The following TLK2 variants were observed in gnomAD, a reference collection of about 807,000 sequenced individuals.
TLK2 encodes the protein serine/threonine-protein kinase tousled-like 2.
In TLK2, 6 loss-of-function variants were observed where a neutral mutation model predicts 117.3. That is an observed-to-expected ratio of 0.05 (90% CI 0.03 to 0.10). The LOEUF (loss-of-function observed/expected upper bound fraction) is 0.10, where lower values mean the gene tolerates loss of function less well. TLK2 is among the 10% of genes least tolerant of loss of function. The pLI is 1.00. For synonymous variants in TLK2, 257 were observed against 316.7 expected (o/e 0.81, Z 2.00); for missense variants, 299 against 901.2 (o/e 0.33, Z 8.56).
chr17:62,579,210 G>A (rs1032267051), intron 14 of TLK2, among the ~76,000 whole-genome samples: 2 of 152,114 alleles, frequency 1.3e-5, no homozygotes, highest in Non-Finnish European at 2.9e-5. Flanking sequence ...TGTTAAAGTG[G>A]CAGACAACAG....
intron 11 of TLK2, among the ~76,000 whole-genome samples, chr17:62,569,434 C>CTT (rs200412545): frequency 1.9e-4 from 17 of 87,216 alleles, no homozygotes; most frequent in African/African-American, 3.1e-4. Context: ...GAAATACGTG[C>CTT]TTTTTTTTTT....
intron 13 of TLK2, among the ~76,000 whole-genome samples, chr17:62,577,109 C>T (rs371345316): frequency 6.2e-4 from 95 of 152,048 alleles, no homozygotes; most frequent in East Asian, 3.3e-3. Flanking sequence ...ATTACAGGCA[C>T]GTGCCACCAT....
chr17:62,534,909 G>A (rs982323410), intron 6 of TLK2, among the ~76,000 whole-genome samples: 1 of 111,432 alleles, frequency 9.0e-6, no homozygotes, highest in Non-Finnish European at 1.8e-5. Flanking sequence ...TTTTTTTGGA[G>A]ATAGAGTCGC....
intron 2 of TLK2, among the ~76,000 whole-genome samples, chr17:62,513,743 C>T (rs1350520516): frequency 6.6e-6 from 1 of 152,058 alleles, no homozygotes; most frequent in East Asian, 1.9e-4. Context: ...GGCTAGAGTA[C>T]AGTGGTGCGA....
At chr17:62,499,800 G>C (rs1395389875) in intron 2 of TLK2, among the ~76,000 whole-genome samples, 2 of 151,576 alleles carry the variant, frequency 1.3e-5, no homozygotes, top group African/African-American at 4.9e-5. Flanking sequence ...GCATTGAGCT[G>C]AGATCGTGCA....
chr17:62,564,966 G>A (rs537461467), intron 10 of TLK2, 35 bp from the exon 11 acceptor site: 17 of 1,587,100 alleles, frequency 1.1e-5, no homozygotes, highest in African/African-American at 1.4e-5. Flanking sequence ...ATGCTAATTG[G>A]TATTGAATTC....
At chr17:62,507,979 G>C (rs1195255245) in intron 2 of TLK2, among the ~76,000 whole-genome samples, 1 of 151,960 alleles carries the variant, frequency 6.6e-6, no homozygotes, top group Admixed American at 6.6e-5. Flanking sequence ...CTGTCCATTT[G>C]ATTTTTTTAC....
intron 6 of TLK2, 46 bp downstream of exon 6, chr17:62,524,377 G>A (rs767441979): frequency 1.3e-6 from 2 of 1,564,998 alleles, no homozygotes; most frequent in South Asian, 2.3e-5. Flanking sequence ...TAGGAGACAA[G>A]ATGCCCAGAA....
At chr17:62,482,136 A>G (rs2071734331) in intron 2 of TLK2, among the ~76,000 whole-genome samples, 1 of 151,850 alleles carries the variant, frequency 6.6e-6, no homozygotes, top group Admixed American at 6.6e-5. Flanking sequence ...TTTAGTAGAG[A>G]TGGGGTTTCA....
intron 11 of TLK2, among the ~76,000 whole-genome samples, chr17:62,570,090 A>G (rs56186083): frequency 0.032 from 4,853 of 152,238 alleles, 98 homozygotes; most frequent in Middle Eastern, 0.11. Context: ...GATACCGGTC[A>G]TATTGGATTA....
chr17:62,533,009 A>G (rs34860594), intron 6 of TLK2, among the ~76,000 whole-genome samples: 2 of 152,034 alleles, frequency 1.3e-5, no homozygotes, highest in Non-Finnish European at 2.9e-5. Context: ...TTTAACTTGC[A>G]TTTGTTCATT....
chr17:62,489,416 C>G (rs1166864378), intron 2 of TLK2, among the ~76,000 whole-genome samples: 1 of 151,984 alleles, frequency 6.6e-6, no homozygotes, highest in Non-Finnish European at 1.5e-5. Context: ...ATCATGTTGG[C>G]CAGGCTGATC....
chr17:62,569,084 ATCCTGAGGTCAGGAGT>A (rs951258387), intron 11 of TLK2, among the ~76,000 whole-genome samples: 3 of 151,226 alleles, frequency 2.0e-5, no homozygotes, highest in African/African-American at 7.3e-5. Flanking sequence ...GTGGGTGCAT[ATCCTGAGGTCAGGAGT>A]TCGAGACCAG....
At chr17:62,531,610 A>G (rs992990912) in intron 6 of TLK2, among the ~76,000 whole-genome samples, 2 of 151,714 alleles carry the variant, frequency 1.3e-5, no homozygotes, top group African/African-American at 4.8e-5. Flanking sequence ...TGTTCTTGAA[A>G]AATTTTTTGG....
chr17:62,577,206 C>T (rs546266362), intron 13 of TLK2, among the ~76,000 whole-genome samples: 6 of 152,214 alleles, frequency 3.9e-5, no homozygotes, highest in Non-Finnish European at 8.8e-5. Flanking sequence ...AATCCTCCTG[C>T]CTCGGCCTCC....
intron 2 of TLK2, among the ~76,000 whole-genome samples, chr17:62,493,974 CCCA>C: frequency 6.6e-6 from 1 of 152,064 alleles, no homozygotes. Context: ...AGCCACTACG[CCCA>C]GCCATAGGAT....
chr17:62,585,070 A>G (rs2081511431), intron 15 of TLK2, among the ~76,000 whole-genome samples: 1 of 152,178 alleles, frequency 6.6e-6, no homozygotes, highest in African/African-American at 2.4e-5. Context: ...TCAAATTATG[A>G]TTTACACCCA....
At chr17:62,576,581 C>A in intron 12 of TLK2, 128 bp from the exon 13 acceptor site, 1 of 710,842 alleles carries the variant, frequency 1.4e-6, no homozygotes. Context: ...TACAAGATAA[C>A]CCATCTTTCA....
rs145426820 is a variant in TLK2 at position 62,531,915 on chromosome 17, A to G, written c.364-4255A>G. On this transcript the variant is annotated intron_variant, in intron 6 of 21. Coordinates refer to ENST00000346027, the MANE Select transcript of TLK2 (RefSeq NM_006852.6). ...CTTTTGGTTTACCCTTTCCTTGAGA[A>G]TGTAGGTAGCTCTTTGGAGGCCCAG... 2.0e-3 allele frequency among the ~76,000 whole-genome samples: 309 copies of G among 152,278 alleles called. 1 individual carries two copies. The highest frequency in any genetic ancestry group is 7.1e-3 in the African/African-American group (296 of 41,566).
Sources: gnomAD v4.1 joint callset for allele counts (sites outside exome capture counted in the v4.1 genomes callset) on GRCh38, gnomAD v4.1.1 for gene constraint, MANE v1.5 for transcripts, NCBI Gene and HGNC (gene_info 2026-07-23, HGNC 2026-07-21) for gene names.